NCF2: variants seen among roughly 807,000 people sequenced by gnomAD.
The protein encoded by NCF2 is neutrophil cytosol factor 2.
NCF2 carries 45 observed loss-of-function variants against 70.9 expected under a neutral mutation model. The ratio of observed to expected loss-of-function variants is 0.63; its 90% CI spans 0.50 to 0.81. The LOEUF is 0.81. NCF2 is among the 40% of genes least tolerant of loss of function. NCF2 has a pLI of 0.00. For synonymous variants in NCF2, 203 were observed against 233.6 expected (o/e 0.87, Z 1.19); for missense variants, 522 against 631.6 (o/e 0.83, Z 1.86).
chr1:183,555,843 G>GAA lies in NCF2; in HGVS notation c.*274_*275insTT. 1 of 518,738 alleles carries GAA rather than the reference G, an allele frequency of 1.9e-6. No homozygotes were observed. The highest frequency in any genetic ancestry group is 3.5e-6 in the Non-Finnish European group (1 of 286,098). 32.1% of individuals were successfully genotyped at this position (518,738 alleles called of 1,614,324 possible). A position where few individuals can be genotyped will look rare whatever the true frequency, so the allele number is the denominator to read the frequency against. Reference sequence around the variant, plus strand: ...AGAGCAAGAAACAGGATCAGTACCTGGAAGACTCTCTCGTGCCCTTTCCAG... The same window carrying GAA: ...AGAGCAAGAAACAGGATCAGTACCTGAAGAAGACTCTCTCGTGCCCTTTCCAG... On this transcript the variant is annotated 3_prime_UTR_variant, in exon 15 of 15. Transcript: ENST00000367535.
chr1:183,595,050 G>A (rs915814912), upstream of NCF2, among the ~76,000 whole-genome samples: 2 of 152,232 alleles, frequency 1.3e-5, no homozygotes, highest in Non-Finnish European at 2.9e-5. Context: ...ACTGAAAAAT[G>A]AGAAAACTGA....
chr1:183,591,160 G>A (rs552974280), upstream of NCF2, among the ~76,000 whole-genome samples: 8 of 152,316 alleles, frequency 5.3e-5, no homozygotes, highest in East Asian at 3.9e-4. Flanking sequence ...CACCCAGGCC[G>A]AGTGGGCAGG....
chr1:183,595,239 CT>C (rs1250576126), upstream of NCF2, among the ~76,000 whole-genome samples: 1 of 152,046 alleles, frequency 6.6e-6, no homozygotes, highest in African/African-American at 2.4e-5. Context: ...GGGAGGAGAC[CT>C]CATTTATTAG....
At chr1:183,568,555 C>T (rs1672410157) in intron 7 of NCF2, among the ~76,000 whole-genome samples, 1 of 151,834 alleles carries the variant, frequency 6.6e-6, no homozygotes, top group South Asian at 2.1e-4. Flanking sequence ...TAGGTTATGT[C>T]ACCCTTTGTT....
At chr1:183,592,266 T>G (rs1374074475), upstream of NCF2, among the ~76,000 whole-genome samples, 1 of 152,232 alleles carries the variant, frequency 6.6e-6, no homozygotes, top group Non-Finnish European at 1.5e-5. Flanking sequence ...TGTGTCTTTG[T>G]CCAGATTGTT....
At chr1:183,599,402 T>TTTTC in the NCF2 span, among the ~76,000 whole-genome samples, 24 of 123,370 alleles carry the variant, frequency 1.9e-4, no homozygotes, top group Non-Finnish European at 3.1e-4. Flanking sequence ...CCAAACCTCT[T>TTTTC]TTTCTTTCTT....
the NCF2 span, among the ~76,000 whole-genome samples, chr1:183,596,597 C>A: frequency 7.2e-5 from 11 of 151,898 alleles, no homozygotes; most frequent in African/African-American, 2.7e-4. Context: ...CATGGTGAAA[C>A]CCTGTCTCTA....
chr1:183,586,288 C>T (rs1673346552), intron 2 of NCF2, among the ~76,000 whole-genome samples: 1 of 152,184 alleles, frequency 6.6e-6, no homozygotes, highest in African/African-American at 2.4e-5. Flanking sequence ...GAGCTGAGAT[C>T]GAGCCCTTGC....
intron 13 of NCF2, among the ~76,000 whole-genome samples, chr1:183,561,414 A>T (rs1178630183): frequency 2.0e-5 from 3 of 152,190 alleles, no homozygotes; most frequent in Non-Finnish European, 4.4e-5. Context: ...TCCCTAAGCA[A>T]GCAGTGTAAC....
chr1:183,578,046 C>T (rs1672880549), intron 2 of NCF2, among the ~76,000 whole-genome samples: 4 of 152,218 alleles, frequency 2.6e-5, no homozygotes, highest in African/African-American at 4.8e-5. Flanking sequence ...CTCTTGAGAG[C>T]TCCAAGCAGA....
intron 3 of NCF2, among the ~76,000 whole-genome samples, chr1:183,576,076 G>A (rs1672788516): frequency 6.6e-6 from 1 of 152,142 alleles, no homozygotes; most frequent in African/African-American, 2.4e-5. Flanking sequence ...CAGTTTTTAT[G>A]AACTAATGAT....
chr1:183,570,423 C>G (rs1453875824), intron 6 of NCF2, among the ~76,000 whole-genome samples: 1 of 152,234 alleles, frequency 6.6e-6, no homozygotes, highest in Non-Finnish European at 1.5e-5. Context: ...CCCCTGTACT[C>G]AAGAAGAGGC....
chr1:183,597,414 AG>A, the NCF2 span, among the ~76,000 whole-genome samples: 1 of 152,160 alleles, frequency 6.6e-6, no homozygotes, highest in African/African-American at 2.4e-5. Flanking sequence ...AAAAAAGCGG[AG>A]GGGGCACAGA....
At chr1:183,585,818 T>A (rs2102931635) in intron 2 of NCF2, among the ~76,000 whole-genome samples, 1 of 152,300 alleles carries the variant, frequency 6.6e-6, no homozygotes, top group South Asian at 2.1e-4. Flanking sequence ...GGAATTGAGA[T>A]TAACTTTCAT....
chr1:183,577,352 T>A (rs1157369249), intron 3 of NCF2, among the ~76,000 whole-genome samples: 1 of 152,234 alleles, frequency 6.6e-6, no homozygotes, highest in Non-Finnish European at 1.5e-5. Flanking sequence ...GGCTCATTTT[T>A]GCATGGTCCT....
intron 2 of NCF2, among the ~76,000 whole-genome samples, chr1:183,582,031 C>T (rs1673140912): frequency 6.6e-6 from 1 of 152,270 alleles, no homozygotes; most frequent in Non-Finnish European, 1.5e-5. Context: ...CCCTCGTTCC[C>T]TGCTGCAGGC....
upstream of NCF2, among the ~76,000 whole-genome samples, chr1:183,592,030 G>C (rs1354365141): frequency 6.6e-6 from 1 of 152,162 alleles, no homozygotes; most frequent in Admixed American, 6.5e-5. Flanking sequence ...AGGAATAACT[G>C]GGGGTAAAGG....
chr1:183,573,887 C>G lies in NCF2; in HGVS notation c.502-595G>C, dbSNP rs745516007. On this transcript the variant is annotated intron_variant, in intron 4 of 14. Coordinates refer to ENST00000367535, the MANE Select transcript of NCF2 (RefSeq NM_000433.4). ...GGCAGATCACCTGAGGTCAGCAGTT[C>G]GAGACCTGCCTGGCCAACATGGCAA... Among the ~76,000 whole-genome samples, 3 of 152,304 alleles carry G rather than the reference C, an allele frequency of 2.0e-5. No homozygotes were observed. The East Asian group carries it at 5.8e-4, about 29-fold the overall frequency.
At chr1:183,561,641 C>CTTT (rs71924876) in intron 13 of NCF2, among the ~76,000 whole-genome samples, 3 of 146,752 alleles carry the variant, frequency 2.0e-5, no homozygotes, top group African/African-American at 7.5e-5. Flanking sequence ...CTTTTCTTTT[C>CTTT]TTTTTTTTTT....
Sources: allele counts gnomAD v4.1 joint callset (sites outside exome capture counted in the v4.1 genomes callset), GRCh38; gene constraint gnomAD v4.1.1; transcripts MANE v1.5; gene names NCBI Gene and HGNC (gene_info 2026-07-23, HGNC 2026-07-21).